SIGLEC10: variants seen among roughly 807,000 people sequenced by gnomAD.
The protein encoded by SIGLEC10 is sialic acid-binding Ig-like lectin 10.
Under a neutral mutation model 68.3 loss-of-function variants are expected in SIGLEC10, and 45 were observed. That is an observed-to-expected ratio of 0.66 (90% CI 0.52 to 0.84). The LOEUF (loss-of-function observed/expected upper bound fraction) is 0.84. Ranked by LOEUF, SIGLEC10 falls within the 40% of genes least tolerant of loss-of-function variation. The pLI is 0.00. For missense variants in SIGLEC10, 789 were observed against 883.1 expected (o/e 0.89, Z 1.35); for synonymous variants, 379 against 370.8 (o/e 1.02, Z -0.26).
In SIGLEC10 at chr19:51,414,211, G is replaced by T; in HGVS notation, c.1709+211C>A. The T allele has an allele frequency of 1.7e-6, 1 of 590,202 alleles. No homozygotes were observed. The highest frequency in any genetic ancestry group is 3.0e-6 in the Non-Finnish European group (1 of 331,338). 36.6% of individuals were successfully genotyped at this position (590,202 alleles called of 1,614,324 possible). On this transcript the variant is annotated intron_variant, in intron 9 of 10. Coordinates refer to ENST00000339313, the MANE Select transcript of SIGLEC10 (RefSeq NM_033130.5). The surrounding 1 kb of genome is among the most constrained non-coding windows in gnomAD (Gnocchi z 4.1). ...CCTAATTACAAGAAACACTTCGCTT[G>T]GGGCGTGACTGCCCTCAGCATTCCC...
At position 51,417,189 on chromosome 19, in the gene SIGLEC10, A is replaced by T. The variant is rs750303024; in HGVS notation, c.314T>A (p.Ile105Asn). The change falls in exon 2 of 11, where the codon ATC (isoleucine) becomes AAC (asparagine). Residue 105 changes from isoleucine (I) to asparagine (N), a missense_variant. Ile to Asn is a moderately radical substitution (Grantham distance 149, BLOSUM62 -3). Transcript: ENST00000339313. ...DPAKGNCSLVIRDAQMQDESQ... is the reference protein window; with the variant it reads ...DPAKGNCSLVNRDAQMQDESQ... ...CTCATCCTGCATCTGCGCGTCTCTGATCACCAAGGAGCAGTTCCCCTTGGC... is the reference window on the plus strand; with the variant it reads ...CTCATCCTGCATCTGCGCGTCTCTGTTCACCAAGGAGCAGTTCCCCTTGGC... The T allele has an allele frequency of 2.5e-6, 4 of 1,614,088 alleles. No homozygotes were observed. The highest frequency in any genetic ancestry group is 3.3e-5 in the Admixed American group (2 of 60,000).
chr19:51,416,584 C>T, intron 3 of SIGLEC10, 82 bp downstream of exon 3: 4 of 1,595,412 alleles, frequency 2.5e-6, no homozygotes, highest in Non-Finnish European at 3.4e-6. Context: ...GAGCTGGGAG[C>T]CGCTCACTGT....
chr19:51,416,380 C>T (rs773750265), intron 3 of SIGLEC10, 23 bp from the exon 4 acceptor site: 2 of 1,614,008 alleles, frequency 1.2e-6, no homozygotes, highest in African/African-American at 2.7e-5. Context: ...TGTGAGCTGG[C>T]TTCAGGGAGG....
chr19:51,416,537 C>T, intron 3 of SIGLEC10, 129 bp downstream of exon 3: 2 of 1,569,884 alleles, frequency 1.3e-6, no homozygotes, highest in Non-Finnish European at 1.7e-6. Context: ...GCGGCGGCAT[C>T]CTGGGACCCC....
chr19:51,410,908 C>T lies in SIGLEC10; in HGVS notation c.*191G>A. 1 of 635,572 alleles carries T rather than the reference C, an allele frequency of 1.6e-6. No homozygotes were observed. Among genetic ancestry groups the T allele is most frequent in the Non-Finnish European group, 2.5e-6 (1 of 392,350 alleles). 39.4% of individuals were successfully genotyped at this position (635,572 alleles called of 1,614,324 possible). The stretch of plus-strand genomic sequence containing the variant: ...AGGCGATCTGCCCACCTCAACCTCC[C>T]AAAGTGCTGGGATTACAGGCGTGAG... On this transcript the variant is annotated 3_prime_UTR_variant, in exon 11 of 11. Coordinates refer to ENST00000339313, the MANE Select transcript of SIGLEC10 (RefSeq NM_033130.5).
chr19:51,414,522 A>G lies in SIGLEC10; in HGVS notation c.1616-7T>C, dbSNP rs768209466. 3.1e-6 allele frequency: 5 copies of G among 1,612,800 alleles called. No homozygotes were observed. Among genetic ancestry groups the G allele is most frequent in the Non-Finnish European group, 3.4e-6 (4 of 1,179,142 alleles). ...GAGATGAGTCCCTTCTTATCTGCAC[A>G]CGGAGAGGGCAAGGTGAGCATTTCC... On this transcript the variant is annotated splice_region_variant and splice_polypyrimidine_tract_variant and intron_variant, in intron 8 of 10. Coordinates refer to ENST00000339313, the MANE Select transcript of SIGLEC10 (RefSeq NM_033130.5). The surrounding 1 kb of genome is among the most constrained non-coding windows in gnomAD (Gnocchi z 4.1).
rs145769059 is a variant in SIGLEC10, at chr19:51,417,180, G to A, written c.323C>T (p.Ala108Val). Residue 108 changes from alanine (A) to valine (V), a missense_variant, in exon 2 of 11, where the codon GCG (alanine) becomes GTG (valine). Ala to Val is a moderately conservative substitution (Grantham distance 64). Coordinates refer to ENST00000339313, the MANE Select transcript of SIGLEC10 (RefSeq NM_033130.5). ...GTACTGTGACTCATCCTGCATCTGC[G>A]CGTCTCTGATCACCAAGGAGCAGTT... ...KGNCSLVIRDAQMQDESQYFF... is the reference protein window; with the variant it reads ...KGNCSLVIRDVQMQDESQYFF... 918 of 1,614,120 alleles carry A rather than the reference G, an allele frequency of 5.7e-4. 12 individuals carry two copies. In the East Asian group the frequency reaches 0.015, roughly 26 times the overall value.
rs147732481 is a variant in SIGLEC10, at chr19:51,417,264, C to T, written c.239G>A (p.Arg80Gln). 56 of 1,614,112 alleles carry T rather than the reference C, an allele frequency of 3.5e-5. No individual in the cohort carries two copies. The highest frequency in any genetic ancestry group is 1.1e-4 in the African/African-American group (8 of 74,920). Reference sequence around the variant, plus strand: ...GCCCCGGGTGCTCATTTCCACCTCTCGACTCTGGTGGTTTGTGGCCACAGG... The same window carrying T: ...GCCCCGGGTGCTCATTTCCACCTCTTGACTCTGGTGGTTTGTGGCCACAGG... Reference protein sequence around the residue: ...GAPVATNHQSREVEMSTRGRF... With the variant: ...GAPVATNHQSQEVEMSTRGRF... Residue 80 changes from arginine to glutamine, a missense_variant, in exon 2 of 11, where the codon CGA becomes CAA. Physicochemically the swap from Arg to Gln is conservative, Grantham distance 43. Coordinates refer to ENST00000339313, the MANE Select transcript of SIGLEC10 (RefSeq NM_033130.5).
In SIGLEC10 at chr19:51,415,108, T is replaced by C; in HGVS notation, c.1331A>G (p.Tyr444Cys). 1 of 1,571,596 alleles carries C rather than the reference T, an allele frequency of 6.4e-7. No individual in the cohort carries two copies. The highest frequency in any genetic ancestry group is 8.6e-7 in the Non-Finnish European group (1 of 1,160,632). ...QHVSLSLSVHYSPKLLGPSCS... is the reference protein window; with the variant it reads ...QHVSLSLSVHCSPKLLGPSCS... ...GGAGGGGCCCAGCAGCTTCGGGGAG[T>C]CTGAGGGGAGGGAGGACAGGACTCA... Residue 444 changes from tyrosine to cysteine, a missense_variant and splice_region_variant, in exon 8 of 11, where the codon TAC becomes TGC. Coordinates refer to ENST00000339313, the MANE Select transcript of SIGLEC10 (RefSeq NM_033130.5).
chr19:51,416,222 G>A (rs769361171), intron 4 of SIGLEC10, 55 bp from the exon 5 acceptor site: 15 of 1,609,010 alleles, frequency 9.3e-6, no homozygotes, highest in Middle Eastern at 1.7e-4. Context: ...AGAGAGAAGG[G>A]GTACAGGGAG....
chr19:51,413,961 G>A, intron 9 of SIGLEC10, 138 bp from the exon 10 acceptor site: 2 of 660,160 alleles, frequency 3.0e-6, no homozygotes, highest in Non-Finnish European at 5.4e-6. Flanking sequence ...GAAAGAAGGA[G>A]GACAAACGTA....
rs368064400 is a variant in SIGLEC10 at position 51,416,031 on chromosome 19, C to G, written c.891G>C (p.Ser297=). 6 of 1,613,050 alleles carry G rather than the reference C, an allele frequency of 3.7e-6. No individual in the cohort carries two copies. The highest frequency in any genetic ancestry group is 4.2e-6 in the Non-Finnish European group (5 of 1,179,940). ...SWVLQNRVLS[S]SHPWGPRPLG... ...GGGGTCTAGGGCCCCAGGGATGGGA[C>G]GAGGAGAGGACTCTGTTCTGCAGGA... The change falls in exon 5 of 11, where the codon TCG becomes TCC. Residue 297 remains serine (S), a synonymous_variant. Coordinates refer to ENST00000339313, the MANE Select transcript of SIGLEC10 (RefSeq NM_033130.5).
rs752484045 is a variant in SIGLEC10 at position 51,411,136 on chromosome 19, C to T, written c.2057G>A (p.Gly686Asp). ...GACTTCTGCATAATCCGCCTGGGTGCCCTTGGGCATCCGGGCCTCAGGCCT... is the reference window on the plus strand; with the variant it reads ...GACTTCTGCATAATCCGCCTGGGTGTCCTTGGGCATCCGGGCCTCAGGCCT... ...RPRPEARMPK[G>D]TQADYAEVKF... is the part of the protein sequence containing the mutation. Residue 686 changes from glycine to aspartate, a missense_variant, in exon 11 of 11, where the codon GGC (glycine) becomes GAC (aspartate). Coordinates refer to ENST00000339313, the MANE Select transcript of SIGLEC10 (RefSeq NM_033130.5). The T allele has an allele frequency of 1.2e-6, 2 of 1,614,158 alleles. No homozygotes were observed. The highest frequency in any genetic ancestry group is 1.7e-6 in the Non-Finnish European group (2 of 1,180,024).
Position 51,415,141 on chromosome 19 carries a change from C to T in SIGLEC10, c.1331-33G>A, listed in dbSNP as rs756518319. The T allele has an allele frequency of 2.0e-5, 31 of 1,577,556 alleles. No individual in the cohort carries two copies. The Admixed American group carries it at 4.0e-4, about 20-fold the overall frequency. On this transcript the variant is annotated intron_variant, in intron 7 of 10. Transcript: ENST00000339313. ...GAGGGAGGACAGGACTCAGCAGGGT[C>T]CCCTTCCTGGGACCCAGGTGTCCCC...
chr19:51,413,840 A>G lies in SIGLEC10; in HGVS notation c.1710-17T>C, dbSNP rs970869237. On this transcript the variant is annotated splice_polypyrimidine_tract_variant and intron_variant, in intron 9 of 10. Coordinates refer to ENST00000339313, the MANE Select transcript of SIGLEC10 (RefSeq NM_033130.5). Reference sequence around the variant, plus strand: ...ATCTTCATGCTGAGGAAATGAACCCACCTGTTTGTGCCCTGCTGCACCTCC... The same window carrying G: ...ATCTTCATGCTGAGGAAATGAACCCGCCTGTTTGTGCCCTGCTGCACCTCC... 8 of 1,605,232 alleles carry G rather than the reference A, an allele frequency of 5.0e-6. No individual in the cohort carries two copies. In the African/African-American group the frequency reaches 9.4e-5, roughly 19 times the overall value.
intron 10 of SIGLEC10, among the ~76,000 whole-genome samples, chr19:51,412,751 C>T (rs1988136539): frequency 1.3e-5 from 2 of 151,352 alleles, no homozygotes; most frequent in African/African-American, 4.9e-5. Flanking sequence ...GCTGGGATTA[C>T]AGGTGTGAGC....
In SIGLEC10 at chr19:51,416,906, G is replaced by C; in HGVS notation, c.466C>G (p.Pro156Ala). 6.2e-7 allele frequency: 1 copy of C among 1,614,076 alleles called. No individual in the cohort carries two copies. Among genetic ancestry groups the C allele is most frequent in the South Asian group, 1.1e-5 (1 of 91,068 alleles). The change falls in exon 3 of 11, where the codon CCC becomes GCC. Residue 156 changes from proline (P) to alanine (A), a missense_variant. By Grantham distance (27) the Pro-to-Ala change is conservative (BLOSUM62 -1). Transcript: ENST00000339313. ...PDVYIPETLE[P>A]GQPVTVICVF... ...CAGATGACCGTCACCGGCTGCCCGG[G>C]CTCCAGGGTCTCGGGGATGTAGACA...
In SIGLEC10 at chr19:51,416,677, A is replaced by G. The variant is rs749862287; in HGVS notation, c.695T>C (p.Leu232Pro). 3.7e-6 allele frequency: 6 copies of G among 1,613,578 alleles called. No homozygotes were observed. Among genetic ancestry groups the G allele is most frequent in the Admixed American group, 3.3e-5 (2 of 60,020 alleles). Residue 232 changes from leucine (L) to proline (P), a missense_variant, in exon 3 of 11, where the codon CTC becomes CCC. Coordinates refer to ENST00000339313, the MANE Select transcript of SIGLEC10 (RefSeq NM_033130.5). ...KGVSAQRTVRLRVAYAPRDLV... is the reference protein window; with the variant it reads ...KGVSAQRTVRPRVAYAPRDLV... ...CAGGCCACACTCACAGGCCACACGG[A>G]GTCGGACGGTCCTCTGTGCGCTCAC...
rs1304900872 is a variant in SIGLEC10, at chr19:51,416,074, G to C, written c.848C>G (p.Pro283Arg). 16 of 1,611,796 alleles carry C rather than the reference G, an allele frequency of 9.9e-6. No individual in the cohort carries two copies. Among genetic ancestry groups the C allele is most frequent in the Non-Finnish European group, 1.4e-5 (16 of 1,179,434 alleles). The change falls in exon 5 of 11, where the codon CCT (proline) becomes CGT (arginine). Residue 283 changes from proline to arginine, a missense_variant. Coordinates refer to ENST00000339313, the MANE Select transcript of SIGLEC10 (RefSeq NM_033130.5). ...CTGCAGGACCCAGCTCAGTGTGGCA[G>C]GGGGCTGGCTGTCAGCAGCACAGAG... ...RLLCAADSQP[P>R]ATLSWVLQNR...
Sources: allele counts gnomAD v4.1 joint callset (sites outside exome capture counted in the v4.1 genomes callset), GRCh38; gene constraint gnomAD v4.1.1; non-coding constraint Gnocchi (gnomAD v3.1); transcripts MANE v1.5; gene names NCBI Gene and HGNC (gene_info 2026-07-23, HGNC 2026-07-21).